Variants in DOCK4 observed in about 807,000 individuals in gnomAD.
DOCK4 encodes dedicator of cytokinesis 4, also known as dedicator of cytokinesis protein 4.
In DOCK4, 97 loss-of-function variants were observed where a neutral mutation model predicts 268.1. The observed-to-expected ratio is 0.36, with a 90% CI of 0.31 to 0.43. The LOEUF is 0.43. Ranked by LOEUF, DOCK4 falls within the 20% of genes least tolerant of loss-of-function variation. The pLI is 1.00. For missense variants in DOCK4, 2,145 were observed against 2,455.7 expected (o/e 0.87, Z 2.67); for synonymous variants, 954 against 887.2 (o/e 1.08, Z -1.34).
At chr7:112,059,910 T>C (rs1051668276) in intron 1 of DOCK4, among the ~76,000 whole-genome samples, 3 of 152,186 alleles carry the variant, frequency 2.0e-5, no homozygotes, top group African/African-American at 7.2e-5. Context: ...AGAAAGATGA[T>C]ACATTTAAGA....
chr7:111,728,828 A>C, intron 52 of DOCK4, 108 bp from the exon 53 acceptor site: 8 of 1,070,046 alleles, frequency 7.5e-6, no homozygotes, highest in Non-Finnish European at 1.0e-5. Flanking sequence ...AGCACCCCCA[A>C]AGCCGGCTGC....
intron 1 of DOCK4, among the ~76,000 whole-genome samples, chr7:112,087,066 C>T (rs1160833028): frequency 6.6e-6 from 1 of 151,564 alleles, no homozygotes; most frequent in Admixed American, 6.6e-5. Context: ...TTTTGTGGTG[C>T]AGACAGGGCA....
chr7:112,116,893 G>A (rs757328508), intron 1 of DOCK4, among the ~76,000 whole-genome samples: 2 of 152,052 alleles, frequency 1.3e-5, no homozygotes, highest in Non-Finnish European at 2.9e-5. Flanking sequence ...TACCCGGCCA[G>A]TACAGTCACT....
At chr7:111,921,855 A>C (rs1793163616) in intron 12 of DOCK4, among the ~76,000 whole-genome samples, 1 of 152,182 alleles carries the variant, frequency 6.6e-6, no homozygotes, top group South Asian at 2.1e-4. Context: ...CCATCAAAAA[A>C]TGGCCAAAGT....
At chr7:112,148,885 G>C (rs1346785047) in intron 1 of DOCK4, among the ~76,000 whole-genome samples, 2 of 152,048 alleles carry the variant, frequency 1.3e-5, no homozygotes, top group Non-Finnish European at 2.9e-5. Context: ...CAAACCACTG[G>C]ACAAAAGAGG....
intron 26 of DOCK4, among the ~76,000 whole-genome samples, chr7:111,832,984 G>C (rs10238664): frequency 6.6e-6 from 1 of 152,024 alleles, no homozygotes; most frequent in South Asian, 2.1e-4. Flanking sequence ...TGGATAATTA[G>C]TCATGTCTTT....
In DOCK4 at chr7:111,868,023, C is replaced by A. The variant is rs368007039; in HGVS notation, c.2241G>T (p.Ser747=). 101 of 1,611,690 alleles carry A rather than the reference C, an allele frequency of 6.3e-5. No homozygotes were observed. The South Asian group carries it at 1.1e-3, about 17-fold the overall frequency. Residue 747 remains serine, a synonymous_variant, in exon 22 of 53, where the codon TCG becomes TCT. Transcript: ENST00000428084. ...ATGCTCCAGACCCTTTGCTCTCTTG[C>A]GAAAGAAAGAAACGGACTGACATGA... ...ELLMSVRFFL[S]QESKGSGALS...
chr7:111,766,517 T>C (rs545945696), intron 38 of DOCK4, among the ~76,000 whole-genome samples: 1 of 152,258 alleles, frequency 6.6e-6, no homozygotes, highest in East Asian at 1.9e-4. Flanking sequence ...TATAAAACAT[T>C]TGGTTCAGAG....
At chr7:112,100,736 T>C (rs1810604767) in intron 1 of DOCK4, among the ~76,000 whole-genome samples, 1 of 152,156 alleles carries the variant, frequency 6.6e-6, no homozygotes, top group South Asian at 2.1e-4. Flanking sequence ...ACTCCCATAT[T>C]CCTCAGGCCT....
chr7:112,069,537 G>A (rs1218854565), intron 1 of DOCK4, among the ~76,000 whole-genome samples: 1 of 152,164 alleles, frequency 6.6e-6, no homozygotes, highest in Non-Finnish European at 1.5e-5. Context: ...CAAAGACAAT[G>A]GTACCCACCT....
intron 5 of DOCK4, among the ~76,000 whole-genome samples, chr7:111,993,230 A>AT (rs1258896077): frequency 2.0e-5 from 3 of 152,136 alleles, no homozygotes; most frequent in African/African-American, 7.2e-5. Flanking sequence ...ACTAATTTGG[A>AT]TTTTTTCCTC....
intron 40 of DOCK4, 66 bp downstream of exon 40, chr7:111,760,115 T>A: frequency 6.3e-7 from 1 of 1,581,750 alleles, no homozygotes; most frequent in Non-Finnish European, 8.7e-7. Flanking sequence ...CAACCTTGCA[T>A]GGAAATGCTC....
rs372387429 is a variant in DOCK4, at chr7:112,112,505, G to T, written c.37+93597C>A. Among the ~76,000 whole-genome samples, 8 of 152,236 alleles carry T rather than the reference G, an allele frequency of 5.3e-5. No individual in the cohort carries two copies. In the South Asian group the frequency reaches 8.3e-4, roughly 16 times the overall value. ...AAAAATACAAAAAAACTAGCCGGGT[G>T]TGGTGGTGGGCACCTGTAGTCCTAC... On this transcript the variant is annotated intron_variant, in intron 1 of 52. Coordinates refer to ENST00000428084, the MANE Select transcript of DOCK4 (RefSeq NM_001363540.2).
rs762789400 is a variant in DOCK4, at chr7:111,994,238, A to T, written c.219-7T>A. On this transcript the variant is annotated splice_polypyrimidine_tract_variant and splice_region_variant and intron_variant, in intron 4 of 52. Coordinates refer to ENST00000428084, the MANE Select transcript of DOCK4 (RefSeq NM_001363540.2). ...AATAACCATTTCAAATTGTCTGTGAAATTAAAAAAGAAAAAGTATATATGT... is the reference window on the plus strand; with the variant it reads ...AATAACCATTTCAAATTGTCTGTGATATTAAAAAAGAAAAAGTATATATGT... 4.5e-6 allele frequency: 7 copies of T among 1,558,790 alleles called. No homozygotes were observed. In the Admixed American group the frequency reaches 9.2e-5, roughly 20 times the overall value.
intron 39 of DOCK4, among the ~76,000 whole-genome samples, chr7:111,761,622 C>T (rs893897807): frequency 3.9e-5 from 6 of 151,936 alleles, no homozygotes; most frequent in South Asian, 2.1e-4. Flanking sequence ...TGTAAAACGC[C>T]GTAAAGAGGG....
chr7:112,003,506 A>G (rs1327168300), intron 2 of DOCK4, among the ~76,000 whole-genome samples: 1 of 152,254 alleles, frequency 6.6e-6, no homozygotes, highest in Non-Finnish European at 1.5e-5. Context: ...TAGCTATCTT[A>G]AATGAGTTGC....
In DOCK4 at chr7:112,003,410, A is replaced by G. The variant is rs543910651; in HGVS notation, c.121+638T>C. On this transcript the variant is annotated intron_variant, in intron 2 of 52. Transcript: ENST00000428084. ...CTCAAAGAAAAACAAAAAACAAAAC[A>G]AAGTAGTCATTTGATCAGAAATCTT... 1.7e-4 allele frequency among the ~76,000 whole-genome samples: 26 copies of G among 152,280 alleles called. No homozygotes were observed. The South Asian group carries it at 5.2e-3, about 30-fold the overall frequency.
Position 111,925,900 on chromosome 7 carries a change from A to G in DOCK4, c.1066+9640T>C, listed in dbSNP as rs1793577975. On this transcript the variant is annotated intron_variant, in intron 12 of 52. Transcript: ENST00000428084. ...CAGGAGATCGAGACTATCCTGGCCAACATGGTAAAACCCCATCTCTACTAA... is the reference window on the plus strand; with the variant it reads ...CAGGAGATCGAGACTATCCTGGCCAGCATGGTAAAACCCCATCTCTACTAA... Among the ~76,000 whole-genome samples, 2 of 151,972 alleles carry G rather than the reference A, an allele frequency of 1.3e-5. 1 individual carries two copies. The highest frequency in any genetic ancestry group is 4.2e-4 in the South Asian group (2 of 4,814).
intron 26 of DOCK4, 114 bp downstream of exon 26, chr7:111,834,474 G>T: frequency 1.2e-6 from 1 of 820,974 alleles, no homozygotes; most frequent in Non-Finnish European, 1.9e-6. Flanking sequence ...AAACAGCTTA[G>T]AACTTAATGG....
Sources: allele counts gnomAD v4.1 joint callset (sites outside exome capture counted in the v4.1 genomes callset), GRCh38; gene constraint gnomAD v4.1.1; transcripts MANE v1.5; gene names NCBI Gene and HGNC (gene_info 2026-07-23, HGNC 2026-07-21).